The following ENTPD5 variants were observed in gnomAD, a reference collection of about 807,000 sequenced individuals.
ENTPD5 encodes the protein ectonucleoside triphosphate diphosphohydrolase 5 (inactive).
Under a neutral mutation model 60.2 loss-of-function variants are expected in ENTPD5, and 49 were observed. The observed-to-expected ratio is 0.81, with a 90% CI of 0.65 to 1.03. ENTPD5 has a LOEUF of 1.03. ENTPD5 is among the 50% of genes least tolerant of loss of function. ENTPD5 has a pLI of 0.00. For synonymous variants in ENTPD5, 187 were observed against 185.4 expected (o/e 1.01, Z -0.07); for missense variants, 480 against 507.6 (o/e 0.95, Z 0.52).
intron 1 of ENTPD5, among the ~76,000 whole-genome samples, chr14:74,016,848 GA>G (rs1180347459): frequency 6.6e-6 from 1 of 152,182 alleles, no homozygotes; most frequent in Non-Finnish European, 1.5e-5. Flanking sequence ...GCCTGTGACA[GA>G]AGATGCCCTA....
downstream of ENTPD5, chr14:73,960,616 A>G (rs961440258): frequency 6.7e-6 from 7 of 1,040,294 alleles, no homozygotes; most frequent in East Asian, 7.7e-5. Flanking sequence ...TGTCCTTTCT[A>G]TGTAGCAGGC....
chr14:73,997,313 T>C (rs1440529692), intron 3 of ENTPD5, among the ~76,000 whole-genome samples: 2 of 152,144 alleles, frequency 1.3e-5, no homozygotes, highest in Non-Finnish European at 2.9e-5. Flanking sequence ...GATTGATTGT[T>C]AGTTATGTCT....
intron 5 of ENTPD5, among the ~76,000 whole-genome samples, chr14:73,985,571 C>A (rs970722089): frequency 6.6e-6 from 1 of 151,996 alleles, no homozygotes. Flanking sequence ...TATCCTTTGC[C>A]CACTTTTTGA....
At position 73,973,061 on chromosome 14, in the gene ENTPD5, G is replaced by A. The variant is rs767463243; in HGVS notation, c.887-37C>T. On this transcript the variant is annotated intron_variant, in intron 12 of 15. Coordinates refer to ENST00000334696, the MANE Select transcript of ENTPD5 (RefSeq NM_001249.5). ...AGGTGCACAGGGGTAAGGTGAGAACGACGCTGGGGGAAGGGGACACTCTCT... is the reference window on the plus strand; with the variant it reads ...AGGTGCACAGGGGTAAGGTGAGAACAACGCTGGGGGAAGGGGACACTCTCT... 42 of 1,609,492 alleles carry A rather than the reference G, an allele frequency of 2.6e-5. 1 individual carries two copies. The highest frequency in any genetic ancestry group is 1.1e-4 in the African/African-American group (8 of 74,816).
In ENTPD5 at chr14:73,997,147, C is replaced by G. The variant is rs141414847; in HGVS notation, c.-70-8975G>C. Among the ~76,000 whole-genome samples, 6 of 151,968 alleles carry G rather than the reference C, an allele frequency of 3.9e-5. No individual in the cohort carries two copies. In the East Asian group the frequency reaches 1.2e-3, roughly 29 times the overall value. ...TAGGAATTATCCTGGGAAAATGACA[C>G]AAGGAGGATTCTGAGAACTTCAAGT... On this transcript the variant is annotated intron_variant, in intron 3 of 15. Transcript: ENST00000334696.
chr14:73,967,161 C>A, intron 15 of ENTPD5, 147 bp from the exon 16 acceptor site: 1 of 641,490 alleles, frequency 1.6e-6, no homozygotes, highest in Non-Finnish European at 2.7e-6. Flanking sequence ...AGGCTTCCCA[C>A]TACTCTGTAA....
downstream of ENTPD5, chr14:73,961,634 A>T: frequency 1.9e-6 from 3 of 1,603,702 alleles, no homozygotes; most frequent in Non-Finnish European, 2.6e-6. Context: ...ATCAGGGCCC[A>T]CAGTAGCAAG....
chr14:73,986,832 A>G lies in ENTPD5; in HGVS notation c.279T>C (p.Phe93=). 1 of 1,613,970 alleles carries G rather than the reference A, an allele frequency of 6.2e-7. No homozygotes were observed. The highest frequency in any genetic ancestry group is 1.1e-5 in the South Asian group (1 of 91,082). Residue 93 remains phenylalanine, a synonymous_variant, in exon 5 of 16, where the codon TTT becomes TTC. Transcript: ENST00000334696. Reference sequence around the variant, plus strand: ...AACTCACCTGCTTAGGTTGATCTACAAAAGCAGAAAGTCCTGGCTTCACAG... The same window carrying G: ...AACTCACCTGCTTAGGTTGATCTACGAAAGCAGAAAGTCCTGGCTTCACAG... ...FDSVKPGLSA[F]VDQPKQGAET...
At chr14:73,992,477 G>A (rs544600248) in intron 3 of ENTPD5, among the ~76,000 whole-genome samples, 17 of 152,158 alleles carry the variant, frequency 1.1e-4, no homozygotes, top group African/African-American at 3.9e-4. Context: ...CTGAGGTCAG[G>A]AGTTTGAGAC....
At chr14:73,955,978 G>A (rs756503383), downstream of ENTPD5, 1 of 1,610,556 alleles carries the variant, frequency 6.2e-7, no homozygotes, top group Non-Finnish European at 8.5e-7. Context: ...GAACTGCTTA[G>A]GACTTACTGG....
At chr14:73,970,820 A>T (rs1302451002) in intron 14 of ENTPD5, among the ~76,000 whole-genome samples, 1 of 151,944 alleles carries the variant, frequency 6.6e-6, no homozygotes, top group African/African-American at 2.4e-5. Context: ...ATTTTTAAAA[A>T]CTTTTTATTA....
At chr14:73,982,464 T>G (rs1163676060) in intron 6 of ENTPD5, among the ~76,000 whole-genome samples, 2 of 152,048 alleles carry the variant, frequency 1.3e-5, no homozygotes, top group Non-Finnish European at 2.9e-5. Context: ...TCTAAAAGAA[T>G]GAAGAATATC....
intron 14 of ENTPD5, 41 bp from the exon 15 acceptor site, chr14:73,970,166 A>C (rs370670558): frequency 3.6e-5 from 50 of 1,399,464 alleles, no homozygotes; most frequent in Non-Finnish European, 4.8e-5. Flanking sequence ...GTTTGCAACT[A>C]ACTGAGAGGT....
In ENTPD5 at chr14:73,973,910, C is replaced by T. The variant is rs1566716000; in HGVS notation, c.853G>A (p.Gly285Ser). ...TTGCCACCATACTGGTATTTCACAC[C>T]CCCAAAGATCCACTCTGCTTCCAAC... is the stretch of plus-strand genomic sequence containing the variant. ...RWLEAEWIFG[G>S]VKYQYGGNQE... Residue 285 changes from glycine to serine, a missense_variant, in exon 12 of 16, where the codon GGT becomes AGT. Gly to Ser is a moderately conservative substitution (Grantham distance 56, BLOSUM62 0). Coordinates refer to ENST00000334696, the MANE Select transcript of ENTPD5 (RefSeq NM_001249.5). 6.2e-7 allele frequency: 1 copy of T among 1,613,960 alleles called. No homozygotes were observed. The highest frequency in any genetic ancestry group is 1.3e-5 in the African/African-American group (1 of 74,904).
At chr14:73,992,380 A>G (rs554028492) in intron 3 of ENTPD5, among the ~76,000 whole-genome samples, 1 of 152,284 alleles carries the variant, frequency 6.6e-6, no homozygotes, top group South Asian at 2.1e-4. Flanking sequence ...CAGGTGACAT[A>G]TTACACAAAA....
At chr14:73,989,588 C>G (rs1466986522) in intron 3 of ENTPD5, among the ~76,000 whole-genome samples, 4 of 151,730 alleles carry the variant, frequency 2.6e-5, no homozygotes, top group African/African-American at 9.7e-5. Flanking sequence ...AATCCCAGCA[C>G]TTTGGGAGGC....
intron 1 of ENTPD5, among the ~76,000 whole-genome samples, chr14:74,017,819 G>A (rs1056189779): frequency 1.6e-4 from 24 of 151,462 alleles, no homozygotes; most frequent in Middle Eastern, 6.9e-3. Context: ...GGGAGGCAGA[G>A]GTTGTGGTGA....
downstream of ENTPD5, chr14:73,960,444 C>A: frequency 1.0e-6 from 1 of 989,158 alleles, no homozygotes; most frequent in Non-Finnish European, 1.2e-6. Context: ...TACCTTCACA[C>A]CAAAGACTCC....
chr14:74,012,335 G>A (rs2058872200), intron 2 of ENTPD5, among the ~76,000 whole-genome samples: 1 of 152,036 alleles, frequency 6.6e-6, no homozygotes, highest in African/African-American at 2.4e-5. Flanking sequence ...TTGAACTCCT[G>A]ACCTCAAGTG....
Sources: gnomAD v4.1 joint callset for allele counts (sites outside exome capture counted in the v4.1 genomes callset) on GRCh38, gnomAD v4.1.1 for gene constraint, MANE v1.5 for transcripts, NCBI Gene and HGNC (gene_info 2026-07-23, HGNC 2026-07-21) for gene names.